The following ACYP2 variants were observed in gnomAD, a reference collection of about 807,000 sequenced individuals.
ACYP2 encodes the protein acylphosphatase 2.
Under a neutral mutation model 11.2 loss-of-function variants are expected in ACYP2, and 12 were observed. The ratio of observed to expected loss-of-function variants is 1.08; its 90% CI spans 0.69 to 1.74. The LOEUF (loss-of-function observed/expected upper bound fraction) is 1.74. Ranked by LOEUF, ACYP2 falls within the 40% of genes most tolerant of loss-of-function variation. ACYP2 has a pLI of 0.00. For synonymous variants in ACYP2, 43 were observed against 32.2 expected (o/e 1.33, Z -1.13); for missense variants, 134 against 101.9 (o/e 1.31, Z -1.35).
chr2:54,135,920 C>A (rs75270887), intron 5 of ACYP2, among the ~76,000 whole-genome samples: 3,497 of 152,238 alleles, frequency 0.023, 122 homozygotes, highest in African/African-American at 0.075. Flanking sequence ...AGTTTGGAGA[C>A]GGAGTCTTAT....
chr2:53,977,575 A>C (rs1671555778), intron 2 of ACYP2, among the ~76,000 whole-genome samples: 1 of 152,016 alleles, frequency 6.6e-6, no homozygotes, highest in Middle Eastern at 3.4e-3. Flanking sequence ...TCTACTAAAA[A>C]TACAAAAAAA....
At chr2:54,252,997 G>A (rs913687036) in intron 6 of ACYP2, among the ~76,000 whole-genome samples, 9 of 152,086 alleles carry the variant, frequency 5.9e-5, no homozygotes, top group Admixed American at 6.5e-5. Context: ...GGTGAATCAT[G>A]AGGTCAGGAG....
chr2:54,101,175 T>G (rs1331989296), intron 4 of ACYP2, among the ~76,000 whole-genome samples: 1 of 152,128 alleles, frequency 6.6e-6, no homozygotes, highest in Non-Finnish European at 1.5e-5. Context: ...TCCTGGCCTG[T>G]AGGGAAGAAC....
intron 5 of ACYP2, 28 bp downstream of exon 2, chr2:54,135,497 G>C (rs1681168315): frequency 1.9e-6 from 3 of 1,597,004 alleles, no homozygotes; most frequent in South Asian, 1.1e-5. Flanking sequence ...TTATTATTTT[G>C]CTATTTTTTT....
chr2:54,018,824 T>G (rs1673834892), intron 2 of ACYP2, among the ~76,000 whole-genome samples: 1 of 152,102 alleles, frequency 6.6e-6, no homozygotes, highest in African/African-American at 2.4e-5. Flanking sequence ...CTCGGCTCAC[T>G]ACAACGTCCG....
intron 6 of ACYP2, among the ~76,000 whole-genome samples, chr2:54,198,711 A>C (rs1684621509): frequency 6.6e-6 from 1 of 152,220 alleles, no homozygotes; most frequent in African/African-American, 2.4e-5. Flanking sequence ...TAGGGATAAA[A>C]GACTTATAAA....
chr2:54,037,404 C>T (rs1674961342), intron 2 of ACYP2, among the ~76,000 whole-genome samples: 1 of 151,700 alleles, frequency 6.6e-6, no homozygotes, highest in Non-Finnish European at 1.5e-5. Context: ...CATAAGCCAC[C>T]ATACCAAGCT....
intron 3 of ACYP2, chr2:54,051,453 G>T: frequency 1.4e-6 from 1 of 693,100 alleles, no homozygotes; most frequent in South Asian, 1.6e-5. Context: ...CTAAACGGGT[G>T]ACAAAAAAGA....
At chr2:54,175,163 G>GT (rs1558588149) in intron 6 of ACYP2, among the ~76,000 whole-genome samples, 3 of 151,686 alleles carry the variant, frequency 2.0e-5, no homozygotes, top group Non-Finnish European at 2.9e-5. Flanking sequence ...TGGTCCTGGA[G>GT]TTTTTTTTGG....
chr2:54,294,347 C>T (rs375797429), intron 6 of ACYP2, among the ~76,000 whole-genome samples: 2 of 152,182 alleles, frequency 1.3e-5, no homozygotes, highest in South Asian at 2.1e-4. Context: ...ATTCTTCATA[C>T]ATTCCACTCC....
chr2:54,294,281 G>A (rs143262557), intron 6 of ACYP2, among the ~76,000 whole-genome samples: 3 of 152,266 alleles, frequency 2.0e-5, no homozygotes, highest in Non-Finnish European at 2.9e-5. Flanking sequence ...AATACTGACT[G>A]ACTTGAATTA....
intron 2 of ACYP2, among the ~76,000 whole-genome samples, chr2:53,975,625 G>T (rs1032822955): frequency 2.0e-5 from 3 of 152,124 alleles, no homozygotes; most frequent in African/African-American, 4.8e-5. Flanking sequence ...AAGGTCAGGA[G>T]ATCAAGAGCA....
chr2:54,133,329 C>T (rs1275725836), intron 4 of ACYP2, among the ~76,000 whole-genome samples: 2 of 152,140 alleles, frequency 1.3e-5, no homozygotes, highest in African/African-American at 4.8e-5. Flanking sequence ...ATTGCTGCAG[C>T]TGCATGCTAT....
At chr2:54,127,808 G>A (rs1026344200) in intron 4 of ACYP2, among the ~76,000 whole-genome samples, 11 of 149,612 alleles carry the variant, frequency 7.4e-5, no homozygotes, top group Non-Finnish European at 1.5e-4. Context: ...GAAAGCCAAT[G>A]CAGACAAATG....
chr2:54,224,914 G>A (rs756433993), intron 6 of ACYP2, among the ~76,000 whole-genome samples: 4 of 152,084 alleles, frequency 2.6e-5, no homozygotes, highest in Non-Finnish European at 5.9e-5. Context: ...TGTTTGTGGG[G>A]CAAAAAAAGT....
intron 2 of ACYP2, among the ~76,000 whole-genome samples, chr2:54,035,265 C>CTTTTTTTTTTTTT (rs895749612): frequency 1.6e-5 from 2 of 126,030 alleles, no homozygotes; most frequent in African/African-American, 3.0e-5. Context: ...TTTTCTTTTT[C>CTTTTTTTTTTTTT]TTTTTTTTTT....
intron 6 of ACYP2, among the ~76,000 whole-genome samples, chr2:54,272,100 C>G (rs1370491314): frequency 6.6e-6 from 1 of 152,198 alleles, no homozygotes; most frequent in African/African-American, 2.4e-5. Context: ...CCATGCTAAA[C>G]ACTTCATATC....
At chr2:54,007,771 A>T (rs1158198909) in intron 2 of ACYP2, among the ~76,000 whole-genome samples, 1 of 152,122 alleles carries the variant, frequency 6.6e-6, no homozygotes, top group Non-Finnish European at 1.5e-5. Flanking sequence ...AGGCTGAGGC[A>T]GGGGAATCGC....
At chr2:53,981,276 G>A (rs896863978) in intron 2 of ACYP2, among the ~76,000 whole-genome samples, 6 of 152,148 alleles carry the variant, frequency 3.9e-5, no homozygotes, top group Admixed American at 3.3e-4. Flanking sequence ...CACAAAGCAA[G>A]GAAAGAATGA....
Sources: allele counts gnomAD v4.1 joint callset (sites outside exome capture counted in the v4.1 genomes callset), GRCh38; gene constraint gnomAD v4.1.1; transcripts MANE v1.5; gene names NCBI Gene and HGNC (gene_info 2026-07-23, HGNC 2026-07-21).